Variants in CYP2A13 observed in about 807,000 individuals in gnomAD.
CYP2A13 encodes the protein cytochrome P450 family 2 subfamily A member 13.
A neutral mutation model predicts 39.4 loss-of-function variants in CYP2A13; 30 were observed. That is an observed-to-expected ratio of 0.76 (90% confidence interval 0.57 to 1.03). The LOEUF (loss-of-function observed/expected upper bound fraction) is 1.03, where lower values mean the gene tolerates loss of function less well. Among genes scored for constraint, CYP2A13 ranks in the 50% least tolerant of loss-of-function variants. The pLI is 0.00. For missense variants in CYP2A13, 731 were observed against 648.4 expected (o/e 1.13, Z -1.38); for synonymous variants, 269 against 254.7 (o/e 1.06, Z -0.54).
intron 3 of CYP2A13, 90 bp from the exon 4 acceptor site, chr19:41,090,314 T>C: frequency 6.3e-7 from 1 of 1,589,742 alleles, no homozygotes; most frequent in Non-Finnish European, 8.6e-7. Flanking sequence ...GGGATTCGGC[T>C]CAACAGGGCC....
At chr19:41,093,497 G>A (rs537754663) in intron 5 of CYP2A13, 133 bp from the exon 6 acceptor site, 22 of 1,069,706 alleles carry the variant, frequency 2.1e-5, no homozygotes, top group Middle Eastern at 3.1e-4. Flanking sequence ...AACCTGGAGC[G>A]AGTTTGGCAA....
chr19:41,095,649 G>A lies in CYP2A13; in HGVS notation c.1304-111G>A, dbSNP rs2031287323. The A allele has an allele frequency of 2.1e-6, 3 of 1,403,772 alleles. No individual in the cohort carries two copies. In the African/African-American group the frequency reaches 4.3e-5, roughly 20 times the overall value. 87.0% of individuals were successfully genotyped at this position (1,403,772 alleles called of 1,614,324 possible). ...CGGAGTCTCCTCTGAAAGTCTCTCA[G>A]GCCATAATATTCCACCCCTCCTCCC... On this transcript the variant is annotated intron_variant, in intron 8 of 8. Transcript: ENST00000330436.
Position 41,090,408 on chromosome 19 carries a change from C to T in CYP2A13, c.498C>T (p.Ala166=). The change falls in exon 4 of 9, where the codon GCC becomes GCT. Residue 166 remains alanine, a synonymous_variant. Transcript: ENST00000330436. Reference sequence around the variant, plus strand: ...CTTCTCCCGCCACACCTGCAGGCGCCAATATCGATCCCACCTTCTTCCTGA... The same window carrying T: ...CTTCTCCCGCCACACCTGCAGGCGCTAATATCGATCCCACCTTCTTCCTGA... The part of the protein sequence containing the change: ...LIDALRGTHG[A]NIDPTFFLSR... The T allele has an allele frequency of 6.2e-7, 1 of 1,614,142 alleles. No individual in the cohort carries two copies. Among genetic ancestry groups the T allele is most frequent in the African/African-American group, 1.3e-5 (1 of 75,048 alleles).
rs201061612 is a variant in CYP2A13, at chr19:41,089,046, G to A, written c.298G>A (p.Gly100Arg). ...GGTGGACCAGGCTGAGGAGTTCAGC[G>A]GGCGAGGCGAGCAGGCCACCTTCGA... ...ALVDQAEEFS[G>R]RGEQATFDWL... Residue 100 changes from glycine (G) to arginine (R), a missense_variant, in exon 2 of 9, where the codon GGG (glycine) becomes AGG (arginine). Gly to Arg is a moderately radical substitution (Grantham distance 125, BLOSUM62 -2). Coordinates refer to ENST00000330436, the MANE Select transcript of CYP2A13 (RefSeq NM_000766.5). 2.8e-5 allele frequency: 45 copies of A among 1,613,154 alleles called. No individual in the cohort carries two copies. Among genetic ancestry groups the A allele is most frequent in the East Asian group, 1.1e-4 (5 of 44,892 alleles).
chr19:41,092,015 A>G, intron 5 of CYP2A13, 107 bp downstream of exon 5: 2 of 1,502,794 alleles, frequency 1.3e-6, no homozygotes, highest in Non-Finnish European at 9.0e-7. Flanking sequence ...AGCCCTCGTC[A>G]TAATAATCCT....
intron 5 of CYP2A13, 76 bp downstream of exon 5, chr19:41,091,984 C>A (rs1184204968): frequency 5.1e-6 from 8 of 1,568,112 alleles, no homozygotes; most frequent in Non-Finnish European, 8.7e-7. Context: ...GGTGGGCAGA[C>A]GACACAGGCC....
intron 5 of CYP2A13, among the ~76,000 whole-genome samples, chr19:41,092,540 C>T (rs1356387900): frequency 1.3e-5 from 2 of 152,002 alleles, no homozygotes; most frequent in Admixed American, 1.3e-4. Context: ...AATCATGGCC[C>T]CAATTGTACA....
At position 41,094,299 on chromosome 19, in the gene CYP2A13, T is replaced by C; in HGVS notation, c.1028T>C (p.Phe343Ser). Residue 343 changes from phenylalanine (F) to serine (S), a missense_variant, in exon 7 of 9, where the codon TTT becomes TCT. Physicochemically the swap from Phe to Ser is radical, Grantham distance 155 (BLOSUM62 -2). Transcript: ENST00000330436. Reference sequence around the variant, plus strand: ...ATCGGCAAGAACCGGCAGCCCAAGTTTGAGGACCGGGCCAAGATGCCCTAC... The same window carrying C: ...ATCGGCAAGAACCGGCAGCCCAAGTCTGAGGACCGGGCCAAGATGCCCTAC... ...RVIGKNRQPK[F>S]EDRAKMPYTE... 1 of 1,613,992 alleles carries C rather than the reference T, an allele frequency of 6.2e-7. No homozygotes were observed. Among genetic ancestry groups the C allele is most frequent in the Non-Finnish European group, 8.5e-7 (1 of 1,179,968 alleles).
chr19:41,093,491 TG>T, intron 5 of CYP2A13, 138 bp from the exon 6 acceptor site: 1 of 995,682 alleles, frequency 1.0e-6, no homozygotes, highest in South Asian at 1.6e-5. Context: ...GGCTGGAACC[TG>T]GAGCGAGTTT....
At chr19:41,093,598 T>C in intron 5 of CYP2A13, 32 bp from the exon 6 acceptor site, 1 of 1,612,818 alleles carries the variant, frequency 6.2e-7, no homozygotes, top group Non-Finnish European at 8.5e-7. Flanking sequence ...GCATGGAGAG[T>C]GAGCTTGGTC....
At position 41,096,087 on chromosome 19, in the gene CYP2A13, A is replaced by C; in HGVS notation, c.*146A>C. On this transcript the variant is annotated 3_prime_UTR_variant, in exon 9 of 9. Coordinates refer to ENST00000330436, the MANE Select transcript of CYP2A13 (RefSeq NM_000766.5). The stretch of plus-strand genomic sequence containing the variant: ...TGGTTAGAGGGAACAGAAGAAACAG[A>C]AGGGGCTCAGTTCACCTTGATGATG... 8.1e-7 allele frequency: 1 copy of C among 1,232,350 alleles called. No individual in the cohort carries two copies. The highest frequency in any genetic ancestry group is 2.5e-5 in the East Asian group (1 of 39,250). The allele number at this position is 1,232,350 out of a possible 1,614,324, so 76.3% of individuals were successfully genotyped here.
intron 7 of CYP2A13, 89 bp downstream of exon 7, chr19:41,094,521 C>T: frequency 6.8e-7 from 1 of 1,471,000 alleles, no homozygotes; most frequent in Non-Finnish European, 9.5e-7. Flanking sequence ...CATTAGTGTT[C>T]TAGACTCTGT....
chr19:41,090,299 G>C, intron 3 of CYP2A13, 103 bp downstream of exon 3: 1 of 1,578,080 alleles, frequency 6.3e-7, no homozygotes, highest in Non-Finnish European at 8.6e-7. Flanking sequence ...CTGGAGTCTG[G>C]CGCTGGGATT....
intron 2 of CYP2A13, among the ~76,000 whole-genome samples, 187 bp downstream of exon 2, chr19:41,089,278 C>T (rs975594093): frequency 1.3e-5 from 2 of 152,096 alleles, no homozygotes; most frequent in Admixed American, 6.5e-5. Flanking sequence ...GCGTCCCTGT[C>T]GTGATTCCTC....
At chr19:41,090,362 G>T in intron 3 of CYP2A13, 42 bp from the exon 4 acceptor site, 1 of 1,613,056 alleles carries the variant, frequency 6.2e-7, no homozygotes, top group African/African-American at 1.3e-5. Flanking sequence ...AGACCTCTGA[G>T]TTGACTCTCT....
At chr19:41,091,972 G>A in intron 5 of CYP2A13, 64 bp downstream of exon 5, 1 of 1,594,540 alleles carries the variant, frequency 6.3e-7, no homozygotes, top group Non-Finnish European at 8.5e-7. Flanking sequence ...GGATGGGAGT[G>A]GGGTGGGCAG....
At chr19:41,093,816 A>T in intron 6 of CYP2A13, 45 bp downstream of exon 6, 1 of 1,604,414 alleles carries the variant, frequency 6.2e-7, no homozygotes, top group South Asian at 1.1e-5. Flanking sequence ...AGACCCTCAA[A>T]ACTCCCCTGA....
rs762466120 is a variant in CYP2A13 at position 41,090,134 on chromosome 19, G to T, written c.431G>T (p.Gly144Val). Residue 144 changes from glycine to valine, a missense_variant, in exon 3 of 9, where the codon GGC becomes GTC. Gly to Val is a moderately radical substitution (Grantham distance 109). Coordinates refer to ENST00000330436, the MANE Select transcript of CYP2A13 (RefSeq NM_000766.5). ...AGGGGTTTTGGCGTGGGCAAGCGCG[G>T]CATCGAGGAACGCATCCAGGAGGAG... ...TLRGFGVGKR[G>V]IEERIQEEAG... 6.2e-6 allele frequency: 10 copies of T among 1,606,082 alleles called. No homozygotes were observed. The highest frequency in any genetic ancestry group is 8.5e-6 in the Non-Finnish European group (10 of 1,175,732).
Position 41,095,919 on chromosome 19 carries a change from C to A in CYP2A13, c.1463C>A (p.Thr488Asn). ...TTTGCCACGATCCCACGAAACTACA[C>A]CATGAGCTTCCTGCCCCGCTGAGCG... Reference protein sequence around the residue: ...VGFATIPRNYTMSFLPR With the variant: ...VGFATIPRNYNMSFLPR Residue 488 changes from threonine (T) to asparagine (N), a missense_variant, in exon 9 of 9, where the codon ACC (threonine) becomes AAC (asparagine). Thr to Asn is a moderately conservative substitution (Grantham distance 65). Coordinates refer to ENST00000330436, the MANE Select transcript of CYP2A13 (RefSeq NM_000766.5). 6.2e-7 allele frequency: 1 copy of A among 1,613,912 alleles called. No individual in the cohort carries two copies.
Sources: allele counts gnomAD v4.1 joint callset (sites outside exome capture counted in the v4.1 genomes callset), GRCh38; gene constraint gnomAD v4.1.1; transcripts MANE v1.5; gene names NCBI Gene and HGNC (gene_info 2026-07-23, HGNC 2026-07-21).